The following PCDHGB1 variants were observed in gnomAD, a reference collection of about 807,000 sequenced individuals.
The protein encoded by PCDHGB1 is protocadherin gamma subfamily B, 1, also known as protocadherin gamma-B1.
A neutral mutation model predicts 56.6 loss-of-function variants in PCDHGB1; 34 were observed. That is an observed-to-expected ratio of 0.60 (90% confidence interval 0.46 to 0.80). The LOEUF (loss-of-function observed/expected upper bound fraction) is 0.80, where lower values mean the gene tolerates loss of function less well. Among genes scored for constraint, PCDHGB1 ranks in the 30% least tolerant of loss-of-function variants. The probability of loss-of-function intolerance (pLI) is 0.00; values close to 1 mark genes in which losing one functional copy is unlikely to be tolerated. For synonymous variants in PCDHGB1, 561 were observed against 505.9 expected, an observed-to-expected ratio of 1.11 and a Z score of -1.46; for missense variants, 1,278 against 1,204.6, an observed-to-expected ratio of 1.06 and a Z score of -0.90.
rs540852016 is a variant in PCDHGB1, at chr5:141,351,570, A to G, written c.1310A>G (p.His437Arg). The part of the protein sequence containing the change: ...ALSSRTSITL[H>R]ISDINDNAPV... ...TCCTCCAGGACAAGCATCACCCTGC[A>G]CATCTCCGACATCAACGACAATGCA... is the stretch of plus-strand genomic sequence containing the variant. The change falls in exon 1 of 4, where the codon CAC (histidine) becomes CGC (arginine). Residue 437 changes from histidine to arginine, a missense_variant. Physicochemically the swap from His to Arg is conservative, Grantham distance 29. Coordinates refer to ENST00000523390, the MANE Select transcript of PCDHGB1 (RefSeq NM_018922.3). 1.6e-5 allele frequency: 26 copies of G among 1,614,046 alleles called. No homozygotes were observed. The East Asian group carries it at 5.3e-4, about 33-fold the overall frequency.
At position 141,419,294 on chromosome 5, in the gene PCDHGB1, C is replaced by T. The variant is rs770303087; in HGVS notation, c.2409+66625C>T. ...CATAGCGCAAGTCAGTGCCTCTGAC[C>T]CAGACTTCGGGCTCAACGGCCGTGT... On this transcript the variant is annotated intron_variant, in intron 1 of 3. Transcript: ENST00000523390. The T allele has an allele frequency of 1.9e-6, 3 of 1,614,036 alleles. No homozygotes were observed. Among genetic ancestry groups the T allele is most frequent in the East Asian group, 2.2e-5 (1 of 44,886 alleles).
intron 1 of PCDHGB1, chr5:141,409,740 T>C: frequency 6.2e-7 from 1 of 1,612,820 alleles, no homozygotes; most frequent in Non-Finnish European, 8.5e-7. Context: ...CAGAGCGGGG[T>C]GGTGTTCGCG....
chr5:141,477,007 A>C lies in PCDHGB1; in HGVS notation c.2410-17800A>C, dbSNP rs891158982. The C allele has an allele frequency of 1.9e-6, 3 of 1,614,258 alleles. No individual in the cohort carries two copies. The Admixed American group carries it at 5.0e-5, about 27-fold the overall frequency. ...CCGGCGTGCGGCAACTATTCGCCTT[A>C]GACCTTGTAACCGGGATGCTGACAA... On this transcript the variant is annotated intron_variant, in intron 1 of 3. Coordinates refer to ENST00000523390, the MANE Select transcript of PCDHGB1 (RefSeq NM_018922.3). This position sits in a 1 kb window ranked among gnomAD's most constrained non-coding sequence, Gnocchi z 4.9.
intron 2 of PCDHGB1, among the ~76,000 whole-genome samples, chr5:141,502,200 C>T (rs553356132): frequency 6.6e-6 from 1 of 152,252 alleles, no homozygotes; most frequent in African/African-American, 2.4e-5. Flanking sequence ...AATATAGAAT[C>T]CACCAGCAGA....
rs922668811 is a variant in PCDHGB1 at position 141,432,984 on chromosome 5, G to A, written c.2410-61823G>A. On this transcript the variant is annotated intron_variant, in intron 1 of 3. Transcript: ENST00000523390. This position sits in a 1 kb window ranked among gnomAD's most constrained non-coding sequence, Gnocchi z 6.0. ...GGAGCGCCGGCGTCGCACTTTGTGG[G>A]CGTGGACGGGGTGCAGGCTTTCCTG... 1.9e-6 allele frequency: 3 copies of A among 1,614,214 alleles called. No individual in the cohort carries two copies. Among genetic ancestry groups the A allele is most frequent in the Admixed American group, 1.7e-5 (1 of 60,028 alleles).
chr5:141,445,303 G>A (rs145466142), intron 1 of PCDHGB1, among the ~76,000 whole-genome samples: 327 of 152,332 alleles, frequency 2.1e-3, no homozygotes, highest in African/African-American at 7.6e-3. Context: ...ATTCTCTTCA[G>A]TTTGTAGGTT....
chr5:141,451,955 A>T (rs1004010741), intron 1 of PCDHGB1, among the ~76,000 whole-genome samples: 2 of 152,196 alleles, frequency 1.3e-5, no homozygotes, highest in Admixed American at 1.3e-4. Flanking sequence ...CGAGAAAGTG[A>T]CATACCATCA....
chr5:141,499,689 CTTTTTTTTTTTT>C (rs545067566), intron 2 of PCDHGB1, among the ~76,000 whole-genome samples: 1 of 119,856 alleles, frequency 8.3e-6, no homozygotes, highest in Non-Finnish European at 1.7e-5. Flanking sequence ...TAACAGATGA[CTTTTTTTTTTTT>C]TTTTTTTTTT....
intron 3 of PCDHGB1, chr5:141,508,275 T>G (rs1030431371): frequency 6.6e-6 from 1 of 152,138 alleles, no homozygotes. Context: ...ATCCCGGTCC[T>G]TGACCAAGGT....
At chr5:141,401,728 T>G (rs1476616709) in intron 1 of PCDHGB1, among the ~76,000 whole-genome samples, 2 of 152,174 alleles carry the variant, frequency 1.3e-5, no homozygotes, top group Non-Finnish European at 2.9e-5. Context: ...AAACTACTAG[T>G]CTTGTGTACA....
intron 1 of PCDHGB1, among the ~76,000 whole-genome samples, chr5:141,363,289 T>C (rs537756758): frequency 6.6e-5 from 10 of 152,254 alleles, no homozygotes; most frequent in Non-Finnish European, 1.5e-4. Flanking sequence ...CCTAATTATA[T>C]AGAATTTTTA....
At chr5:141,355,886 T>A (rs1760030024) in intron 1 of PCDHGB1, 2 of 1,613,424 alleles carry the variant, frequency 1.2e-6, no homozygotes, top group African/African-American at 2.7e-5. Flanking sequence ...GCCAGGATTC[T>A]CATAATACTT....
At chr5:141,506,668 C>A (rs2099855518) in intron 3 of PCDHGB1, among the ~76,000 whole-genome samples, 1 of 152,100 alleles carries the variant, frequency 6.6e-6, no homozygotes, top group Admixed American at 6.6e-5. Context: ...AGTAAGGGCA[C>A]AATATATTAT....
At chr5:141,416,859 G>C (rs1411419006) in intron 1 of PCDHGB1, 1 of 151,936 alleles carries the variant, frequency 6.6e-6, no homozygotes, top group African/African-American at 2.4e-5. Context: ...ATTTTTTTCA[G>C]GTCAGTCAAC....
Position 141,366,606 on chromosome 5 carries a change from T to A in PCDHGB1, c.2409+13937T>A, listed in dbSNP as rs545823772. The A allele has an allele frequency of 3.5e-5, 56 of 1,614,226 alleles. No homozygotes were observed. The Admixed American group carries it at 6.5e-4, about 19-fold the overall frequency. The stretch of plus-strand genomic sequence containing the variant: ...CAGACCTATTCCCACGAGGTCTCCC[T>A]CACCGCGGACTCGAGGAAGAGTCAC... On this transcript the variant is annotated intron_variant, in intron 1 of 3. Transcript: ENST00000523390.
intron 2 of PCDHGB1, among the ~76,000 whole-genome samples, chr5:141,501,092 C>A: frequency 6.6e-6 from 1 of 152,118 alleles, no homozygotes; most frequent in East Asian, 1.9e-4. Flanking sequence ...TGGTCTCAAT[C>A]TCTTGACCTC....
At chr5:141,371,460 A>G (rs1428114565) in intron 1 of PCDHGB1, 1 of 1,614,004 alleles carries the variant, frequency 6.2e-7, no homozygotes, top group Admixed American at 1.7e-5. Context: ...ATCCCAACAT[A>G]TACAAGAAGA....
intron 2 of PCDHGB1, among the ~76,000 whole-genome samples, chr5:141,500,815 A>G (rs2099802742): frequency 6.6e-6 from 1 of 152,196 alleles, no homozygotes; most frequent in African/African-American, 2.4e-5. Context: ...ATGAATATAC[A>G]TATTATTTTT....
At chr5:141,465,338 G>C (rs908157154) in intron 1 of PCDHGB1, among the ~76,000 whole-genome samples, 6 of 151,962 alleles carry the variant, frequency 3.9e-5, no homozygotes, top group Admixed American at 2.6e-4. Context: ...TTTTATATTG[G>C]TTACTGAAGA....
Sources: gnomAD v4.1 joint callset for allele counts (sites outside exome capture counted in the v4.1 genomes callset) on GRCh38, gnomAD v4.1.1 for gene constraint, Gnocchi (gnomAD v3.1) non-coding constraint, MANE v1.5 for transcripts, NCBI Gene and HGNC (gene_info 2026-07-23, HGNC 2026-07-21) for gene names.